Variants in PCDH15 observed in about 807,000 individuals in gnomAD.
PCDH15 encodes protocadherin-15.
A neutral mutation model predicts 178.5 loss-of-function variants in PCDH15; 129 were observed. The ratio of observed to expected loss-of-function variants is 0.72; its 90% CI spans 0.63 to 0.84. The LOEUF (loss-of-function observed/expected upper bound fraction) is 0.84. PCDH15 is among the 40% of genes least tolerant of loss of function. The pLI is 0.00. For synonymous variants in PCDH15, 800 were observed against 732.0 expected (o/e 1.09, Z -1.50); for missense variants, 2,230 against 2,099.9 (o/e 1.06, Z -1.21).
At chr10:55,251,021 T>C (rs1841823117) in intron 1 of PCDH15, among the ~76,000 whole-genome samples, 1 of 152,104 alleles carries the variant, frequency 6.6e-6, no homozygotes, top group Non-Finnish European at 1.5e-5. Flanking sequence ...TCACATGCAG[T>C]TGTAGGAAAA....
At chr10:54,766,773 CA>C (rs1306903937) in intron 1 of PCDH15, among the ~76,000 whole-genome samples, 1 of 151,596 alleles carries the variant, frequency 6.6e-6, no homozygotes, top group African/African-American at 2.4e-5. Context: ...ACTAAAAATA[CA>C]AAAAATTAGC....
At chr10:55,154,376 T>C (rs1838825836) in intron 2 of PCDH15, among the ~76,000 whole-genome samples, 1 of 152,124 alleles carries the variant, frequency 6.6e-6, no homozygotes, top group Non-Finnish European at 1.5e-5. Context: ...TGGAGAACCC[T>C]GGGGCAAATC....
rs577436911 is a variant in PCDH15 at position 54,526,620 on chromosome 10, A to G, written c.157+1192T>C. On this transcript the variant is annotated intron_variant, in intron 3 of 37. Transcript: ENST00000644397. ...AATGCATCATAATAACTGTAACTCC[A>G]TATGATTTTATTATGAATAAGGATA... Among the ~76,000 whole-genome samples the G allele has an allele frequency of 2.0e-5, 3 of 152,320 alleles. No individual in the cohort carries two copies. The South Asian group carries it at 6.2e-4, about 32-fold the overall frequency.
At chr10:54,676,293 G>T (rs1284465023) in intron 1 of PCDH15, among the ~76,000 whole-genome samples, 3 of 151,908 alleles carry the variant, frequency 2.0e-5, no homozygotes, top group African/African-American at 7.2e-5. Context: ...AACTACTGGG[G>T]CTGTTTTTAT....
chr10:54,984,856 AC>A (rs1839324895), intron 2 of PCDH15, among the ~76,000 whole-genome samples: 1 of 152,146 alleles, frequency 6.6e-6, no homozygotes. Flanking sequence ...TTTTTTAAAG[AC>A]AGTTTTCCCT....
chr10:55,083,741 C>T (rs1220598200), intron 2 of PCDH15, among the ~76,000 whole-genome samples: 1 of 151,792 alleles, frequency 6.6e-6, no homozygotes, highest in Non-Finnish European at 1.5e-5. Flanking sequence ...AAAATTAATA[C>T]AATGAAATCT....
chr10:53,831,370 T>C lies in PCDH15; in HGVS notation c.4147A>G (p.Ile1383Val), dbSNP rs751016919. 7 of 1,614,032 alleles carry C rather than the reference T, an allele frequency of 4.3e-6. No homozygotes were observed. Among genetic ancestry groups the C allele is most frequent in the Middle Eastern group, 1.6e-4 (1 of 6,084 alleles). The change falls in exon 30 of 38, where the codon ATC becomes GTC. Residue 1383 changes from isoleucine (I) to valine (V), a missense_variant. Ile to Val is a conservative substitution (Grantham distance 29, BLOSUM62 3). Transcript: ENST00000644397. ...GCAGGAATGCAGCAGAGGATGATGA[T>C]GAAGGCCAGAGCCAACAAGGCCCCT... ...TEGALLALAF[I>V]IILCCIPAIL...
upstream of PCDH15, among the ~76,000 whole-genome samples, chr10:55,324,406 G>A (rs986316128): frequency 2.6e-5 from 4 of 151,978 alleles, no homozygotes; most frequent in African/African-American, 9.7e-5. Flanking sequence ...AATCTACCAA[G>A]CAAAAGGTAA....
chr10:54,767,808 A>C (rs967209958), intron 1 of PCDH15, among the ~76,000 whole-genome samples: 1 of 152,154 alleles, frequency 6.6e-6, no homozygotes. Context: ...GTCATCAAAA[A>C]CAAAGTCCAA....
intron 2 of PCDH15, among the ~76,000 whole-genome samples, chr10:55,443,999 C>G (rs1839257443): frequency 6.6e-6 from 1 of 152,012 alleles, no homozygotes; most frequent in African/African-American, 2.4e-5. Context: ...ATGCATGAAG[C>G]TGGAAACCAT....
chr10:54,827,353 C>G (rs1280436929), intron 3 of PCDH15, among the ~76,000 whole-genome samples: 1 of 152,054 alleles, frequency 6.6e-6, no homozygotes, highest in Non-Finnish European at 1.5e-5. Flanking sequence ...GTCAAACAAA[C>G]AGCAGATGAT....
intron 1 of PCDH15, among the ~76,000 whole-genome samples, chr10:55,248,474 G>A (rs1841742545): frequency 6.6e-6 from 1 of 151,776 alleles, no homozygotes; most frequent in African/African-American, 2.4e-5. Context: ...ATGTATTTTG[G>A]GGCCTATTAT....
chr10:54,947,630 T>A (rs192122648), intron 2 of PCDH15, among the ~76,000 whole-genome samples: 1 of 151,968 alleles, frequency 6.6e-6, no homozygotes, highest in Admixed American at 6.6e-5. Flanking sequence ...TGTGTGTATG[T>A]GTTTGTATTT....
intron 20 of PCDH15, among the ~76,000 whole-genome samples, chr10:54,003,331 T>A (rs1054000855): frequency 2.0e-5 from 3 of 151,984 alleles, no homozygotes; most frequent in South Asian, 4.1e-4. Flanking sequence ...TTTGTTTTTT[T>A]AAAAAGTTAT....
chr10:55,519,561 G>A (rs537128116), intron 2 of PCDH15, among the ~76,000 whole-genome samples: 5 of 152,028 alleles, frequency 3.3e-5, no homozygotes, highest in South Asian at 2.1e-4. Context: ...TTACTATGGC[G>A]AAAACTGAGT....
At chr10:54,887,136 A>T (rs1954373695) in intron 3 of PCDH15, among the ~76,000 whole-genome samples, 1 of 152,188 alleles carries the variant, frequency 6.6e-6, no homozygotes, top group Admixed American at 6.6e-5. Context: ...GCAGAAAGTC[A>T]ATTAGGGCAC....
At chr10:55,287,712 T>C (rs1214318580) in intron 1 of PCDH15, among the ~76,000 whole-genome samples, 1 of 151,976 alleles carries the variant, frequency 6.6e-6, no homozygotes, top group East Asian at 1.9e-4. Context: ...TTCTTTAATT[T>C]TCTTTCTCTT....
At chr10:54,521,872 G>A (rs542865630) in intron 3 of PCDH15, among the ~76,000 whole-genome samples, 3 of 151,864 alleles carry the variant, frequency 2.0e-5, no homozygotes, top group Non-Finnish European at 2.9e-5. Flanking sequence ...GGTGGATCAC[G>A]AGGTCAGGAG....
intron 4 of PCDH15, among the ~76,000 whole-genome samples, chr10:54,377,586 A>C (rs928766911): frequency 1.1e-4 from 16 of 152,172 alleles, no homozygotes; most frequent in African/African-American, 3.9e-4. Flanking sequence ...TTAGACATGA[A>C]ATAGTATAAA....
Sources: gnomAD v4.1 joint callset for allele counts (sites outside exome capture counted in the v4.1 genomes callset) on GRCh38, gnomAD v4.1.1 for gene constraint, MANE v1.5 for transcripts, NCBI Gene and HGNC (gene_info 2026-07-23, HGNC 2026-07-21) for gene names.